PCDH11X: variants seen among roughly 807,000 people sequenced by gnomAD.
PCDH11X encodes protocadherin-11 X-linked.
Under a neutral mutation model 53.3 loss-of-function variants are expected in PCDH11X, and 18 were observed. The observed-to-expected ratio is 0.34, with a 90% confidence interval of 0.23 to 0.50. The LOEUF is 0.50. Among genes scored for constraint, PCDH11X ranks in the 20% least tolerant of loss-of-function variants. The pLI, the probability that PCDH11X is intolerant of heterozygous loss-of-function variation, is 0.98. For synonymous variants in PCDH11X, 279 were observed against 393.3 expected, an observed-to-expected ratio of 0.71 and a Z score of 3.44; for missense variants, 570 against 1,032.4, an observed-to-expected ratio of 0.55 and a Z score of 6.14.
intron 6 of PCDH11X, among the ~76,000 whole-genome samples, chrX:92,191,760 C>T (rs2066197148): frequency 8.9e-6 from 1 of 112,002 alleles, no homozygotes; most frequent in Non-Finnish European, 1.9e-5. Context: ...CCATAGAATA[C>T]TTTTAATTCT....
At chrX:92,522,132 A>G (rs774654213) in intron 10 of PCDH11X, among the ~76,000 whole-genome samples, 33 of 112,171 alleles carry the variant, frequency 2.9e-4, no homozygotes, top group Non-Finnish European at 5.3e-4. Context: ...TTGGTGCAAG[A>G]GGTCTAGCTT....
intron 10 of PCDH11X, among the ~76,000 whole-genome samples, chrX:92,585,251 C>A (rs1418417149): frequency 1.8e-5 from 2 of 111,172 alleles, no homozygotes; most frequent in African/African-American, 3.3e-5. Context: ...TCCCACCAGG[C>A]CCCCTGCCTC....
chrX:91,993,427 G>C lies in PCDH11X; in HGVS notation c.3033+114154G>C, dbSNP rs182987055. Among the ~76,000 whole-genome samples, 8 of 112,187 alleles carry C rather than the reference G, an allele frequency of 7.1e-5. No individual in the cohort carries two copies. The Admixed American group carries it at 7.6e-4, about 11-fold the overall frequency. On this transcript the variant is annotated intron_variant, in intron 6 of 10. Coordinates refer to ENST00000682573, the MANE Select transcript of PCDH11X (RefSeq NM_032968.5). ...TCCTTTATTAACTTTCTCCTCACCT[G>C]TAAGGCTGTGTTTTATTTCAAAAAA...
intron 6 of PCDH11X, among the ~76,000 whole-genome samples, chrX:92,086,600 A>G (rs1273511374): frequency 8.9e-6 from 1 of 111,934 alleles, no homozygotes; most frequent in African/African-American, 3.2e-5. Context: ...CTAAATAAAG[A>G]ATAGATATAA....
At chrX:92,349,369 G>A (rs2069986329) in intron 8 of PCDH11X, among the ~76,000 whole-genome samples, 1 of 82,343 alleles carries the variant, frequency 1.2e-5, no homozygotes, top group Non-Finnish European at 2.3e-5. Context: ...CTCACTTGCA[G>A]TTCATTTATT....
At chrX:92,214,209 G>A (rs981777912) in intron 7 of PCDH11X, among the ~76,000 whole-genome samples, 1 of 111,945 alleles carries the variant, frequency 8.9e-6, no homozygotes, top group Non-Finnish European at 1.9e-5. Flanking sequence ...TGCATTTTGG[G>A]TGAAGGTATG....
chrX:92,594,230 G>GAC (rs1925329871), intron 10 of PCDH11X, among the ~76,000 whole-genome samples: 2 of 107,631 alleles, frequency 1.9e-5, no homozygotes, highest in Non-Finnish European at 3.8e-5. Context: ...AATATCAAGT[G>GAC]TTTAAACATT....
intron 5 of PCDH11X, 48 bp downstream of exon 5, chrX:91,836,092 G>T (rs1213543211): frequency 1.8e-6 from 2 of 1,134,613 alleles, no homozygotes; most frequent in Non-Finnish European, 2.3e-6. Flanking sequence ...ATTTTTTAAA[G>T]AGTAAAATAA....
intron 6 of PCDH11X, among the ~76,000 whole-genome samples, chrX:92,147,820 T>TTTCTTTCTTTCTTTCTTTCC (rs2065300643): frequency 1.2e-5 from 1 of 83,905 alleles, no homozygotes; most frequent in Non-Finnish European, 2.1e-5. Context: ...CCTTTCTTTC[T>TTTCTTTCTTTCTTTCTTTCC]TTCTTTCTTT....
chrX:92,248,855 C>T (rs1270178026), intron 7 of PCDH11X, among the ~76,000 whole-genome samples: 1 of 109,888 alleles, frequency 9.1e-6, no homozygotes, highest in African/African-American at 3.3e-5. Context: ...GCGCCCATCA[C>T]CATGCCCGGC....
chrX:92,118,754 T>G (rs1192749460), intron 6 of PCDH11X, among the ~76,000 whole-genome samples: 1 of 83,079 alleles, frequency 1.2e-5, no homozygotes, highest in Non-Finnish European at 2.3e-5. Flanking sequence ...TTTTTTTTTT[T>G]TTTTTGAGAC....
chrX:92,274,504 C>G (rs1317462831), intron 8 of PCDH11X, among the ~76,000 whole-genome samples: 1 of 110,977 alleles, frequency 9.0e-6, no homozygotes, highest in South Asian at 3.8e-4. Context: ...GGAAAGGACT[C>G]TACCTGTCCA....
intron 6 of PCDH11X, among the ~76,000 whole-genome samples, chrX:92,084,325 A>C (rs2063912375): frequency 9.1e-6 from 1 of 109,696 alleles, no homozygotes; most frequent in Admixed American, 9.8e-5. Flanking sequence ...AGAAGGATGA[A>C]TCAACTGAGG....
chrX:92,523,557 C>A (rs1238548798), intron 10 of PCDH11X, among the ~76,000 whole-genome samples: 1 of 111,611 alleles, frequency 9.0e-6, no homozygotes, highest in East Asian at 2.8e-4. Context: ...GGATATGTGA[C>A]CACCAAAATT....
chrX:92,095,060 G>A (rs1290867818), intron 6 of PCDH11X, among the ~76,000 whole-genome samples: 1 of 110,941 alleles, frequency 9.0e-6, no homozygotes, highest in Admixed American at 9.7e-5. Context: ...AGAGATTTCA[G>A]CTAATAAAAA....
intron 6 of PCDH11X, among the ~76,000 whole-genome samples, chrX:92,147,854 T>TCTC (rs1467457236): frequency 4.9e-4 from 28 of 56,589 alleles, no homozygotes; most frequent in African/African-American, 1.7e-3. Context: ...TTTCTTTCTT[T>TCTC]TTTCTTTTCT....
intron 6 of PCDH11X, among the ~76,000 whole-genome samples, chrX:92,041,265 G>A (rs931584744): frequency 1.0e-4 from 11 of 105,895 alleles, no homozygotes; most frequent in African/African-American, 3.8e-4. Flanking sequence ...ATTACGTTTT[G>A]AAAAGTATGC....
At chrX:92,202,880 G>A (rs183771675) in intron 7 of PCDH11X, among the ~76,000 whole-genome samples, 29 of 110,766 alleles carry the variant, frequency 2.6e-4, no homozygotes, top group African/African-American at 8.5e-4. Context: ...AAAATTAGCC[G>A]GGCATGGTGG....
At chrX:92,058,899 CAT>C (rs36119285) in intron 6 of PCDH11X, among the ~76,000 whole-genome samples, 8,166 of 110,117 alleles carry the variant, frequency 0.074, 436 homozygotes, top group East Asian at 0.42. Flanking sequence ...GTTCAAGGTG[CAT>C]AGATTCCTCT....
Sources: allele counts gnomAD v4.1 joint callset (sites outside exome capture counted in the v4.1 genomes callset), GRCh38; gene constraint gnomAD v4.1.1; transcripts MANE v1.5; gene names NCBI Gene and HGNC (gene_info 2026-07-23, HGNC 2026-07-21).